Variants in PRKG1 observed in about 807,000 individuals in gnomAD.
PRKG1 encodes the protein cGMP-dependent protein kinase 1.
In PRKG1, 35 loss-of-function variants were observed where a neutral mutation model predicts 88.1. The ratio of observed to expected loss-of-function variants is 0.40; its 90% CI spans 0.30 to 0.53. PRKG1 has a LOEUF of 0.53. Among genes scored for constraint, PRKG1 ranks in the 20% least tolerant of loss-of-function variants. The pLI is 0.59. For missense variants in PRKG1, 540 were observed against 839.8 expected (o/e 0.64, Z 4.41); for synonymous variants, 303 against 292.5 (o/e 1.04, Z -0.37).
chr10:51,919,676 C>CT (rs5784892), intron 5 of PRKG1, among the ~76,000 whole-genome samples: 298 of 148,884 alleles, frequency 2.0e-3, no homozygotes, highest in African/African-American at 6.7e-3. Context: ...AGCCCCCCAC[C>CT]TTTTTTTTTT....
intron 2 of PRKG1, among the ~76,000 whole-genome samples, chr10:51,322,279 A>C (rs892157012): frequency 1.3e-5 from 2 of 152,224 alleles, no homozygotes; most frequent in African/African-American, 2.4e-5. Flanking sequence ...AAAAAAGTGC[A>C]TCTCTCATCC....
chr10:52,059,901 A>G (rs1846197287), intron 6 of PRKG1, among the ~76,000 whole-genome samples: 1 of 151,972 alleles, frequency 6.6e-6, no homozygotes, highest in Admixed American at 6.6e-5. Flanking sequence ...GCATATCTAT[A>G]ACAAGAAAAT....
chr10:51,357,357 G>A, intron 2 of PRKG1, among the ~76,000 whole-genome samples: 1 of 151,960 alleles, frequency 6.6e-6, no homozygotes, highest in Admixed American at 6.6e-5. Flanking sequence ...GAGAGGGAAA[G>A]CAGCTTCTGT....
At chr10:52,211,394 G>C (rs185121240) in intron 9 of PRKG1, among the ~76,000 whole-genome samples, 8 of 152,256 alleles carry the variant, frequency 5.3e-5, no homozygotes, top group Non-Finnish European at 1.2e-4. Context: ...CCCTTAAAAA[G>C]GTTAAATCTT....
At chr10:51,034,388 T>G (rs531624689) in intron 1 of PRKG1, among the ~76,000 whole-genome samples, 25 of 152,110 alleles carry the variant, frequency 1.6e-4, no homozygotes, top group Middle Eastern at 3.4e-3. Flanking sequence ...AATATTATCA[T>G]GCACTTCACA....
At chr10:51,570,786 C>A (rs1363134239) in intron 3 of PRKG1, among the ~76,000 whole-genome samples, 2 of 151,666 alleles carry the variant, frequency 1.3e-5, no homozygotes, top group African/African-American at 4.8e-5. Flanking sequence ...TGAAGCCAGA[C>A]AAAAGAAATG....
At chr10:51,568,098 G>T (rs1214340585) in intron 3 of PRKG1, among the ~76,000 whole-genome samples, 1 of 151,734 alleles carries the variant, frequency 6.6e-6, no homozygotes, top group Non-Finnish European at 1.5e-5. Context: ...ATCATGGTTT[G>T]TCCTCCCAAG....
chr10:51,913,137 C>A (rs1842258646), intron 5 of PRKG1, among the ~76,000 whole-genome samples: 6 of 152,138 alleles, frequency 3.9e-5, no homozygotes, highest in Admixed American at 2.6e-4. Context: ...CCATATTGGC[C>A]AGGCTGGTCT....
At chr10:51,022,799 A>G (rs1375465322) in intron 1 of PRKG1, among the ~76,000 whole-genome samples, 1 of 152,214 alleles carries the variant, frequency 6.6e-6, no homozygotes, top group East Asian at 1.9e-4. Flanking sequence ...GATTTAACAT[A>G]TATGCTAAAA....
At chr10:51,682,759 A>G (rs1840883244) in intron 3 of PRKG1, among the ~76,000 whole-genome samples, 1 of 152,194 alleles carries the variant, frequency 6.6e-6, no homozygotes, top group Non-Finnish European at 1.5e-5. Context: ...AGTATGTGCT[A>G]GAGCCAGAAT....
chr10:52,149,630 G>A (rs1367704345), intron 8 of PRKG1, among the ~76,000 whole-genome samples: 2 of 151,160 alleles, frequency 1.3e-5, no homozygotes, highest in Non-Finnish European at 3.0e-5. Flanking sequence ...TTAGCCAAAG[G>A]CAGGACAAAA....
At chr10:51,267,843 T>C (rs1010833192) in intron 2 of PRKG1, among the ~76,000 whole-genome samples, 3 of 152,122 alleles carry the variant, frequency 2.0e-5, no homozygotes, top group Non-Finnish European at 4.4e-5. Flanking sequence ...AAAGAAATAA[T>C]CGTCAGACAA....
At chr10:51,641,652 T>C (rs1052855976) in intron 3 of PRKG1, among the ~76,000 whole-genome samples, 2 of 151,892 alleles carry the variant, frequency 1.3e-5, no homozygotes, top group African/African-American at 2.4e-5. Flanking sequence ...TTGCGGTTGT[T>C]GCCACTGAAA....
At position 51,308,628 on chromosome 10, in the gene PRKG1, A is replaced by T. The variant is rs554994676; in HGVS notation, c.478+155298A>T. Among the ~76,000 whole-genome samples, 3 of 152,294 alleles carry T rather than the reference A, an allele frequency of 2.0e-5. No homozygotes were observed. In the South Asian group the frequency reaches 6.2e-4, roughly 32 times the overall value. On this transcript the variant is annotated intron_variant, in intron 2 of 17. Transcript: ENST00000373980. ...AACAATCAGTAGTCAGTGTGTGGCAAGGAAACTAGATCATGTGAGATATTT... is the reference window on the plus strand; with the variant it reads ...AACAATCAGTAGTCAGTGTGTGGCATGGAAACTAGATCATGTGAGATATTT...
In PRKG1 at chr10:51,017,442, ATAAT is replaced by A. The variant is rs1266904379; in HGVS notation, c.266+25802_266+25805del. ...ATCATTTATTGAATGAGAAAGTTAA[ATAAT>A]TAAAACCTTGTTTGAATGAAAATAA... On this transcript the variant is annotated intron_variant, in intron 1 of 17. Coordinates refer to the PRKG1 transcript ENST00000401604. Among the ~76,000 whole-genome samples, 11 of 152,362 alleles carry A rather than the reference ATAAT, an allele frequency of 7.2e-5. No homozygotes were observed. The East Asian group carries it at 1.9e-3, about 27-fold the overall frequency.
intron 7 of PRKG1, among the ~76,000 whole-genome samples, chr10:52,101,465 GA>G (rs1307299540): frequency 1.3e-5 from 2 of 152,090 alleles, no homozygotes; most frequent in Non-Finnish European, 2.9e-5. Context: ...GGATTTTCTT[GA>G]AATCTTATTC....
At chr10:51,074,927 C>T (rs1421501255) in intron 1 of PRKG1, 26 bp downstream of exon 1, 6 of 1,562,464 alleles carry the variant, frequency 3.8e-6, no homozygotes, top group Non-Finnish European at 5.2e-6. Flanking sequence ...GCGCCGGGTC[C>T]ATGTGGCGCC....
intron 1 of PRKG1, among the ~76,000 whole-genome samples, chr10:51,090,540 ATGAAGTTTATAC>A (rs1385496880): frequency 1.3e-5 from 2 of 152,182 alleles, no homozygotes; most frequent in African/African-American, 4.8e-5. Flanking sequence ...GAATGGATTG[ATGAAGTTTATAC>A]TGAGCACTAT....
At chr10:51,225,011 A>C (rs1838652966) in intron 2 of PRKG1, among the ~76,000 whole-genome samples, 1 of 152,208 alleles carries the variant, frequency 6.6e-6, no homozygotes, top group South Asian at 2.1e-4. Flanking sequence ...GGAAGAGAGA[A>C]CTTTGATTTG....
Sources: gnomAD v4.1 joint callset for allele counts (sites outside exome capture counted in the v4.1 genomes callset) on GRCh38, gnomAD v4.1.1 for gene constraint, MANE v1.5 for transcripts, NCBI Gene and HGNC (gene_info 2026-07-23, HGNC 2026-07-21) for gene names.